Variants in CACNA2D3 observed in about 807,000 individuals in gnomAD.
CACNA2D3 encodes the protein calcium voltage-gated channel auxiliary subunit alpha2delta 3.
Under a neutral mutation model 160.6 loss-of-function variants are expected in CACNA2D3, and 60 were observed. That is an observed-to-expected ratio of 0.37 (90% CI 0.30 to 0.46). The LOEUF is 0.46. Among genes scored for constraint, CACNA2D3 ranks in the 20% least tolerant of loss-of-function variants. The probability of loss-of-function intolerance (pLI) is 1.00; values close to 1 mark genes in which losing one functional copy is unlikely to be tolerated. For synonymous variants in CACNA2D3, 558 were observed against 492.9 expected, an observed-to-expected ratio of 1.13 and a Z score of -1.75; for missense variants, 1,205 against 1,365.0, an observed-to-expected ratio of 0.88 and a Z score of 1.85.
chr3:54,374,793 T>G (rs1400249464), intron 3 of CACNA2D3, among the ~76,000 whole-genome samples: 2 of 152,204 alleles, frequency 1.3e-5, no homozygotes, highest in East Asian at 1.9e-4. Flanking sequence ...GTCCTGTATA[T>G]TCCTCTTCCT....
chr3:54,435,153 C>G (rs1288138326), intron 4 of CACNA2D3, among the ~76,000 whole-genome samples: 1 of 152,122 alleles, frequency 6.6e-6, no homozygotes, highest in African/African-American at 2.4e-5. Context: ...TCCACTCTAC[C>G]TAGCATCAAT....
In CACNA2D3 at chr3:54,372,559, G is replaced by A. The variant is rs192827442; in HGVS notation, c.322-14156G>A. On this transcript the variant is annotated intron_variant, in intron 3 of 37. Transcript: ENST00000474759. The stretch of plus-strand genomic sequence containing the variant: ...CTGTCAGTTTACTTCTGTGTAAAAT[G>A]GGTTTAGTCCTTCTTCATTAGCTCT... Among the ~76,000 whole-genome samples the A allele has an allele frequency of 8.9e-3, 1,351 of 152,238 alleles. 12 individuals are homozygous for A. The highest frequency in any genetic ancestry group is 0.015 in the Non-Finnish European group (1,031 of 68,002).
intron 2 of CACNA2D3, among the ~76,000 whole-genome samples, chr3:54,287,269 G>T (rs186561581): frequency 5.7e-4 from 87 of 152,222 alleles, no homozygotes; most frequent in African/African-American, 2.0e-3. Context: ...AAAGGCAGGG[G>T]TTGCAATCCT....
At chr3:54,487,780 A>T (rs1462926343) in intron 4 of CACNA2D3, among the ~76,000 whole-genome samples, 1 of 152,270 alleles carries the variant, frequency 6.6e-6, no homozygotes, top group Non-Finnish European at 1.5e-5. Flanking sequence ...TTAAAGTTAA[A>T]GTAAAATTAA....
chr3:54,234,748 T>C (rs2107398224), intron 2 of CACNA2D3, among the ~76,000 whole-genome samples: 1 of 152,268 alleles, frequency 6.6e-6, no homozygotes, highest in East Asian at 1.9e-4. Flanking sequence ...CTTAGCAAAC[T>C]AACACAGGAA....
intron 2 of CACNA2D3, among the ~76,000 whole-genome samples, chr3:54,260,934 T>C (rs1320848260): frequency 6.6e-6 from 1 of 152,226 alleles, no homozygotes; most frequent in Non-Finnish European, 1.5e-5. Flanking sequence ...TCTCATTTCC[T>C]CCAGTTCAGC....
intron 27 of CACNA2D3, among the ~76,000 whole-genome samples, chr3:54,948,309 A>T (rs1281728653): frequency 6.6e-6 from 1 of 152,152 alleles, no homozygotes; most frequent in Non-Finnish European, 1.5e-5. Flanking sequence ...TCACTGTATC[A>T]CCTCACACCT....
At chr3:54,734,613 A>T (rs1277253406) in intron 11 of CACNA2D3, among the ~76,000 whole-genome samples, 1 of 152,204 alleles carries the variant, frequency 6.6e-6, no homozygotes, top group Non-Finnish European at 1.5e-5. Context: ...TCATTTGGGG[A>T]TGCTCGAAGC....
At chr3:54,636,530 G>A (rs1208605346) in intron 10 of CACNA2D3, among the ~76,000 whole-genome samples, 1 of 151,964 alleles carries the variant, frequency 6.6e-6, no homozygotes, top group Non-Finnish European at 1.5e-5. Flanking sequence ...CATAGTTTGT[G>A]ATTTTTAGGG....
At chr3:54,882,280 A>G (rs1181696133) in intron 21 of CACNA2D3, among the ~76,000 whole-genome samples, 1 of 152,214 alleles carries the variant, frequency 6.6e-6, no homozygotes, top group African/African-American at 2.4e-5. Context: ...TCATGGTCAG[A>G]ACAATAGGAG....
intron 5 of CACNA2D3, among the ~76,000 whole-genome samples, chr3:54,529,241 T>G (rs1043940068): frequency 3.3e-5 from 5 of 152,246 alleles, no homozygotes; most frequent in African/African-American, 1.2e-4. Context: ...TCATGTAGTA[T>G]GCATACCCGT....
chr3:54,312,552 C>T (rs886485638), intron 2 of CACNA2D3, among the ~76,000 whole-genome samples: 6 of 152,254 alleles, frequency 3.9e-5, no homozygotes, highest in African/African-American at 1.2e-4. Context: ...AAAACCAACC[C>T]AAACGTATGA....
intron 4 of CACNA2D3, among the ~76,000 whole-genome samples, chr3:54,434,042 C>T (rs1301436325): frequency 6.6e-6 from 1 of 152,154 alleles, no homozygotes; most frequent in African/African-American, 2.4e-5. Context: ...CTCCGGTTCT[C>T]CCACTGGGTG....
intron 5 of CACNA2D3, among the ~76,000 whole-genome samples, chr3:54,550,628 A>G (rs555144264): frequency 3.9e-5 from 6 of 152,364 alleles, no homozygotes; most frequent in African/African-American, 1.2e-4. Flanking sequence ...TTTAGTCTGC[A>G]AATCTATGAC....
At chr3:54,238,901 A>G (rs1192039739) in intron 2 of CACNA2D3, among the ~76,000 whole-genome samples, 2 of 152,214 alleles carry the variant, frequency 1.3e-5, no homozygotes, top group South Asian at 2.1e-4. Flanking sequence ...CATAAACCAT[A>G]GCACTAATAA....
chr3:54,212,735 G>T (rs569212631), intron 2 of CACNA2D3, among the ~76,000 whole-genome samples: 2 of 152,108 alleles, frequency 1.3e-5, no homozygotes, highest in Admixed American at 6.5e-5. Flanking sequence ...GATGGTTGGG[G>T]GTGGGAATGC....
At chr3:55,052,826 T>G (rs764770586) in intron 35 of CACNA2D3, among the ~76,000 whole-genome samples, 6 of 152,138 alleles carry the variant, frequency 3.9e-5, no homozygotes, top group Non-Finnish European at 8.8e-5. Flanking sequence ...TGACTAACAT[T>G]TTCGTGGAAT....
In CACNA2D3 at chr3:54,689,010, A is replaced by AAAAAAAAAAAAAAAAAGAG. The variant is rs1553785965; in HGVS notation, c.1167+46770_1167+46771insAAAAAAAAAAAAAAAGAGA. Among the ~76,000 whole-genome samples the AAAAAAAAAAAAAAAAAGAG allele has an allele frequency of 1.5e-4, 13 of 85,496 alleles. 4 individuals carry two copies. The highest frequency in any genetic ancestry group is 8.1e-4 in the East Asian group (2 of 2,456). 56.1% of individuals were successfully genotyped at this position (85,496 alleles called of 152,430 possible). A position where few individuals can be genotyped will look rare whatever the true frequency, so the allele number is the denominator to read the frequency against. On this transcript the variant is annotated intron_variant, in intron 11 of 37. Coordinates refer to ENST00000474759, the MANE Select transcript of CACNA2D3 (RefSeq NM_018398.3). ...AAAAAAAAAAAAAAAAAAAAAAAAAAAGAATGAGGTTGTATACATAAAGCA... is the reference window on the plus strand; with the variant it reads ...AAAAAAAAAAAAAAAAAAAAAAAAAAAAAAAAAAAAAAAAAAGAGAGAATGAGGTTGTATACATAAAGCA...
At chr3:54,938,263 A>G (rs1701378915) in intron 27 of CACNA2D3, among the ~76,000 whole-genome samples, 1 of 152,218 alleles carries the variant, frequency 6.6e-6, no homozygotes, top group South Asian at 2.1e-4. Context: ...GAGTTTGTGT[A>G]TATGTTAGTG....
Sources: allele counts gnomAD v4.1 joint callset (sites outside exome capture counted in the v4.1 genomes callset), GRCh38; gene constraint gnomAD v4.1.1; transcripts MANE v1.5; gene names NCBI Gene and HGNC (gene_info 2026-07-23, HGNC 2026-07-21).